The following COL4A3 variants were observed in gnomAD, a reference collection of about 807,000 sequenced individuals.
The protein encoded by COL4A3 is collagen type IV alpha 3 chain.
Under a neutral mutation model 217.4 loss-of-function variants are expected in COL4A3, and 135 were observed. The observed-to-expected ratio is 0.62, with a 90% confidence interval of 0.54 to 0.72. COL4A3 has a LOEUF of 0.72. Ranked by LOEUF, COL4A3 falls within the 30% of genes least tolerant of loss-of-function variation. COL4A3 has a pLI of 0.00. For missense variants in COL4A3, 1,868 were observed against 2,119.9 expected (o/e 0.88, Z 2.33); for synonymous variants, 690 against 736.3 (o/e 0.94, Z 1.02).
In COL4A3 at chr2:227,280,746, T is replaced by C; in HGVS notation, c.2375-147T>C. 3.7e-6 allele frequency: 4 copies of C among 1,085,870 alleles called. No homozygotes were observed. In the South Asian group the frequency reaches 3.9e-5, roughly 11 times the overall value. The allele number at this position is 1,085,870 out of a possible 1,614,324, so 67.3% of individuals were successfully genotyped here. A position where few individuals can be genotyped will look rare whatever the true frequency, so the allele number is the denominator to read the frequency against. Reference sequence around the variant, plus strand: ...TCCTTCTTCCTTCCTTCTTTTTTAATGAGTGCCCTCTAGAAAAGGCATATT... The same window carrying C: ...TCCTTCTTCCTTCCTTCTTTTTTAACGAGTGCCCTCTAGAAAAGGCATATT... On this transcript the variant is annotated intron_variant, in intron 30 of 51. Coordinates refer to ENST00000396578, the MANE Select transcript of COL4A3 (RefSeq NM_000091.5).
intron 27 of COL4A3, 46 bp from the exon 28 acceptor site, chr2:227,277,403 A>G (rs1574767800): frequency 1.7e-6 from 2 of 1,147,072 alleles, no homozygotes; most frequent in South Asian, 2.6e-5. Flanking sequence ...AATAAGATGA[A>G]GGAAAGTTGC....
chr2:227,201,904 C>T (rs1341324079), intron 1 of COL4A3, among the ~76,000 whole-genome samples: 4 of 152,154 alleles, frequency 2.6e-5, no homozygotes, highest in Non-Finnish European at 5.9e-5. Context: ...ATTTTTCAAA[C>T]ACCATGGAAT....
chr2:227,261,490 G>A (rs1002237837), intron 20 of COL4A3, among the ~76,000 whole-genome samples: 1 of 152,204 alleles, frequency 6.6e-6, no homozygotes, highest in African/African-American at 2.4e-5. Flanking sequence ...TGGCACCACT[G>A]CACTCCAGCC....
intron 1 of COL4A3, among the ~76,000 whole-genome samples, chr2:227,211,965 C>A (rs1343760373): frequency 6.6e-6 from 1 of 152,144 alleles, no homozygotes; most frequent in African/African-American, 2.4e-5. Flanking sequence ...CCGTGCCCGG[C>A]CAGACTTGAT....
At position 227,195,677 on chromosome 2, in the gene COL4A3, G is replaced by A. The variant is rs538689325; in HGVS notation, c.87+30864G>A. On this transcript the variant is annotated intron_variant, in intron 1 of 51. Coordinates refer to ENST00000396578, the MANE Select transcript of COL4A3 (RefSeq NM_000091.5). Reference sequence around the variant, plus strand: ...CACATATATATATATATGTGTGTGTGTGTGTGTGTGTGTGTGTGTATGTGT... The same window carrying A: ...CACATATATATATATATGTGTGTGTATGTGTGTGTGTGTGTGTGTATGTGT... Among the ~76,000 whole-genome samples the A allele has an allele frequency of 2.0e-5, 3 of 150,086 alleles. No homozygotes were observed. The East Asian group carries it at 5.8e-4, about 29-fold the overall frequency.
intron 1 of COL4A3, among the ~76,000 whole-genome samples, chr2:227,189,135 G>A (rs2066138847): frequency 6.6e-6 from 1 of 152,108 alleles, no homozygotes; most frequent in African/African-American, 2.4e-5. Flanking sequence ...AGAGGCCAGG[G>A]GAGGAAGGAA....
At chr2:227,171,997 A>G (rs2065492686) in intron 1 of COL4A3, among the ~76,000 whole-genome samples, 1 of 152,036 alleles carries the variant, frequency 6.6e-6, no homozygotes, top group Non-Finnish European at 1.5e-5. Flanking sequence ...GGCGCTTGAG[A>G]GGGGAGCATG....
chr2:227,227,360 G>C (rs1428127334), intron 1 of COL4A3, among the ~76,000 whole-genome samples: 1 of 152,264 alleles, frequency 6.6e-6, no homozygotes, highest in East Asian at 1.9e-4. Context: ...ACTTTGGGAG[G>C]CCGAGGTGGG....
intron 3 of COL4A3, among the ~76,000 whole-genome samples, chr2:227,244,119 G>T (rs1407778947): frequency 2.0e-5 from 3 of 152,092 alleles, no homozygotes; most frequent in African/African-American, 7.2e-5. Flanking sequence ...AGTAGCAAGG[G>T]TTTGAATGAA....
At chr2:227,291,576 A>AC (rs2072731395) in intron 37 of COL4A3, among the ~76,000 whole-genome samples, 1 of 26,478 alleles carries the variant, frequency 3.8e-5, no homozygotes, top group Non-Finnish European at 7.8e-5. Flanking sequence ...AAAAAAAAAA[A>AC]AAACAAAAAA....
intron 9 of COL4A3, among the ~76,000 whole-genome samples, chr2:227,248,900 A>G (rs1311640640): frequency 1.3e-5 from 2 of 152,120 alleles, no homozygotes; most frequent in African/African-American, 2.4e-5. Context: ...GTAATTTTAA[A>G]TAACAGCCCT....
chr2:227,215,724 G>T (rs2067504566), intron 1 of COL4A3, among the ~76,000 whole-genome samples: 1 of 152,164 alleles, frequency 6.6e-6, no homozygotes, highest in Non-Finnish European at 1.5e-5. Context: ...CTCCCAAAGT[G>T]TTGGGATTAC....
intron 1 of COL4A3, among the ~76,000 whole-genome samples, chr2:227,233,305 G>A (rs2068510151): frequency 6.6e-6 from 1 of 151,088 alleles, no homozygotes; most frequent in Non-Finnish European, 1.5e-5. Flanking sequence ...GAGCCACCAT[G>A]CCTGGCCCCT....
chr2:227,261,257 G>C, intron 20 of COL4A3, 140 bp downstream of exon 20: 2 of 754,884 alleles, frequency 2.6e-6, no homozygotes, highest in Non-Finnish European at 4.3e-6. Flanking sequence ...GGGTTCAATG[G>C]CTCACGCCTG....
chr2:227,177,621 T>C (rs1243757507), intron 1 of COL4A3, among the ~76,000 whole-genome samples: 2 of 152,222 alleles, frequency 1.3e-5, no homozygotes, highest in Non-Finnish European at 2.9e-5. Flanking sequence ...TTTGAGGTTT[T>C]AGTTACCTGT....
chr2:227,311,241 A>G (rs1268768074), intron 51 of COL4A3, among the ~76,000 whole-genome samples: 1 of 152,216 alleles, frequency 6.6e-6, no homozygotes, highest in Non-Finnish European at 1.5e-5. Context: ...AAGATGATCT[A>G]TAAGTTTTCA....
chr2:227,197,069 C>T (rs754879757), intron 1 of COL4A3, among the ~76,000 whole-genome samples: 20 of 148,174 alleles, frequency 1.3e-4, no homozygotes, highest in South Asian at 4.4e-4. Context: ...CTTTCTTTTG[C>T]CTGCTGCCAT....
chr2:227,277,468 G>C lies in COL4A3; in HGVS notation c.2040G>C (p.Gly680=), dbSNP rs776512229. The change falls in exon 28 of 52, where the codon GGG becomes GGC. Residue 680 remains glycine, a synonymous_variant. Transcript: ENST00000396578. ...QGPPGIPGSL[G]KCGDPGLPGP... ...TCTAAGGTATCCCTGGATCCCTGGG[G>C]AAATGTGGAGATCCTGGTCTTCCAG... is the stretch of plus-strand genomic sequence containing the variant. The C allele has an allele frequency of 6.2e-6, 10 of 1,611,768 alleles. No individual in the cohort carries two copies. The highest frequency in any genetic ancestry group is 3.3e-4 in the Middle Eastern group (2 of 6,084).
At chr2:227,214,743 G>T (rs1045143432) in intron 1 of COL4A3, among the ~76,000 whole-genome samples, 4 of 152,166 alleles carry the variant, frequency 2.6e-5, no homozygotes, top group African/African-American at 9.7e-5. Context: ...GAGAACTTGA[G>T]AATCGCTACC....
Sources: gnomAD v4.1 joint callset for allele counts (sites outside exome capture counted in the v4.1 genomes callset) on GRCh38, gnomAD v4.1.1 for gene constraint, MANE v1.5 for transcripts, NCBI Gene and HGNC (gene_info 2026-07-23, HGNC 2026-07-21) for gene names.